The following COL19A1 variants were observed in gnomAD, a reference collection of about 807,000 sequenced individuals.
COL19A1 encodes the protein collagen type XIX alpha 1 chain, also known as collagen alpha-1(XIX) chain.
A neutral mutation model predicts 190.2 loss-of-function variants in COL19A1; 159 were observed. The ratio of observed to expected loss-of-function variants is 0.84; its 90% CI spans 0.73 to 0.95. The LOEUF (loss-of-function observed/expected upper bound fraction) is 0.95. Among genes scored for constraint, COL19A1 ranks in the 40% least tolerant of loss-of-function variants. The pLI, the probability that COL19A1 is intolerant of heterozygous loss-of-function variation, is 0.00. For synonymous variants in COL19A1, 509 were observed against 458.9 expected, an observed-to-expected ratio of 1.11 and a Z score of -1.39; for missense variants, 1,418 against 1,431.9, an observed-to-expected ratio of 0.99 and a Z score of 0.16.
intron 19 of COL19A1, among the ~76,000 whole-genome samples, chr6:70,139,618 T>G (rs1786111199): frequency 6.6e-6 from 1 of 152,088 alleles, no homozygotes; most frequent in Admixed American, 6.6e-5. Flanking sequence ...ATGTAGACTT[T>G]ACTTTGCATA....
intron 16 of COL19A1, among the ~76,000 whole-genome samples, chr6:70,105,065 A>C (rs1783868452): frequency 6.6e-6 from 1 of 152,184 alleles, no homozygotes; most frequent in African/African-American, 2.4e-5. Flanking sequence ...ACTTAAACTC[A>C]GCTATGGGTC....
At chr6:70,032,732 A>G (rs1259753830) in intron 12 of COL19A1, among the ~76,000 whole-genome samples, 1 of 152,164 alleles carries the variant, frequency 6.6e-6, no homozygotes, top group African/African-American at 2.4e-5. Context: ...TTCGAAAGCT[A>G]CATGTGGCTG....
At chr6:70,168,702 T>G in intron 40 of COL19A1, 21 bp downstream of exon 40, 4 of 1,612,558 alleles carry the variant, frequency 2.5e-6, no homozygotes, top group Non-Finnish European at 3.4e-6. Flanking sequence ...TCCCATGTTT[T>G]GTGTCATTTA....
intron 2 of COL19A1, among the ~76,000 whole-genome samples, chr6:69,882,627 T>G (rs1377412824): frequency 6.6e-6 from 1 of 152,158 alleles, no homozygotes; most frequent in East Asian, 1.9e-4. Context: ...GCTAAATAAA[T>G]AGAAATGACA....
intron 47 of COL19A1, among the ~76,000 whole-genome samples, chr6:70,188,621 C>T (rs147429171): frequency 3.5e-4 from 53 of 152,318 alleles, no homozygotes; most frequent in African/African-American, 1.3e-3. Flanking sequence ...TTACACTACA[C>T]AGAAACCACA....
chr6:70,149,129 C>T lies in COL19A1; in HGVS notation c.1894-575C>T, dbSNP rs905537512. ...TGCTAAGAAACCAGCTCTTGACTTACTTAGGTGAACATTCCTCATGCAGAA... is the reference window on the plus strand; with the variant it reads ...TGCTAAGAAACCAGCTCTTGACTTATTTAGGTGAACATTCCTCATGCAGAA... On this transcript the variant is annotated intron_variant, in intron 27 of 50. Transcript: ENST00000620364. Among the ~76,000 whole-genome samples the T allele has an allele frequency of 7.2e-5, 11 of 152,084 alleles. No individual in the cohort carries two copies. The South Asian group carries it at 1.0e-3, about 14-fold the overall frequency.
At chr6:70,103,950 C>A (rs1182256633) in intron 16 of COL19A1, among the ~76,000 whole-genome samples, 1 of 152,066 alleles carries the variant, frequency 6.6e-6, no homozygotes, top group African/African-American at 2.4e-5. Context: ...AAAATTAAAA[C>A]CAGGTAAGTG....
chr6:70,092,720 T>A (rs55927183), intron 15 of COL19A1, among the ~76,000 whole-genome samples: 7,705 of 152,292 alleles, frequency 0.051, 258 homozygotes, highest in Non-Finnish European at 0.075. Flanking sequence ...ACTTATTTTG[T>A]ACTAGTCAAT....
rs1786277591 is a variant in COL19A1, at chr6:70,141,915, C to T, written c.1505C>T (p.Ser502Leu). Residue 502 changes from serine (S) to leucine (L), a missense_variant, in exon 21 of 51, where the codon TCA becomes TTA. Transcript: ENST00000620364. The part of the protein sequence containing the change: ...GDRGEPGVIG[S>L]QGVKGEPGDP... ...CAGGGAGAACCTGGGGTAATAGGAT[C>T]ACAGGGAGTAAAGGTAATTTCCTGG... 1 of 1,601,702 alleles carries T rather than the reference C, an allele frequency of 6.2e-7. No individual in the cohort carries two copies. The highest frequency in any genetic ancestry group is 1.1e-5 in the South Asian group (1 of 90,824).
At chr6:70,022,446 C>T (rs1337795006) in intron 11 of COL19A1, among the ~76,000 whole-genome samples, 2 of 152,118 alleles carry the variant, frequency 1.3e-5, no homozygotes, top group Non-Finnish European at 2.9e-5. Context: ...TTTGTTTTCT[C>T]ACAGTGTTGT....
intron 11 of COL19A1, among the ~76,000 whole-genome samples, chr6:70,008,072 T>A (rs996579778): frequency 3.4e-4 from 51 of 151,884 alleles, no homozygotes; most frequent in African/African-American, 1.2e-3. Context: ...ATGCTTATAT[T>A]AGAAAGGAAT....
intron 12 of COL19A1, among the ~76,000 whole-genome samples, chr6:70,024,858 G>A (rs1030680391): frequency 6.6e-6 from 1 of 152,078 alleles, no homozygotes; most frequent in Non-Finnish European, 1.5e-5. Flanking sequence ...TGTCACACAT[G>A]TTTAAATAGA....
At chr6:70,167,639 T>C (rs1765243472) in intron 37 of COL19A1, among the ~76,000 whole-genome samples, 1 of 152,200 alleles carries the variant, frequency 6.6e-6, no homozygotes, top group Non-Finnish European at 1.5e-5. Context: ...TCATCAGCAC[T>C]ATGGCATTAT....
intron 23 of COL19A1, among the ~76,000 whole-genome samples, chr6:70,143,783 G>T (rs1786419129): frequency 6.6e-6 from 1 of 151,922 alleles, no homozygotes; most frequent in East Asian, 1.9e-4. Flanking sequence ...GAGCCACAAT[G>T]CTCAAAAACT....
intron 12 of COL19A1, among the ~76,000 whole-genome samples, chr6:70,033,258 T>C (rs1779166634): frequency 6.6e-6 from 1 of 152,114 alleles, no homozygotes; most frequent in South Asian, 2.1e-4. Context: ...GGTGTCTATG[T>C]TGAGTACAGG....
chr6:70,116,648 GT>G (rs3842606), intron 16 of COL19A1, among the ~76,000 whole-genome samples: 4 of 150,298 alleles, frequency 2.7e-5, no homozygotes, highest in East Asian at 1.9e-4. Context: ...CCTAATGACT[GT>G]TTTTTTTTCT....
intron 11 of COL19A1, among the ~76,000 whole-genome samples, chr6:69,971,939 A>G (rs1775451457): frequency 6.6e-6 from 1 of 152,198 alleles, no homozygotes; most frequent in African/African-American, 2.4e-5. Context: ...CTATTTTAAA[A>G]ACATTTTAGT....
intron 16 of COL19A1, among the ~76,000 whole-genome samples, chr6:70,113,831 T>A (rs1784411097): frequency 6.8e-6 from 1 of 146,458 alleles, no homozygotes; most frequent in Admixed American, 6.9e-5. Flanking sequence ...CTTCTTGTCA[T>A]CCAAGTCTTT....
intron 23 of COL19A1, 128 bp downstream of exon 23, chr6:70,142,948 C>G: frequency 1.3e-6 from 1 of 786,560 alleles, no homozygotes; most frequent in Non-Finnish European, 2.1e-6. Context: ...ATCTATGCCA[C>G]AAAAACTGAT....
Sources: gnomAD v4.1 joint callset for allele counts (sites outside exome capture counted in the v4.1 genomes callset) on GRCh38, gnomAD v4.1.1 for gene constraint, MANE v1.5 for transcripts, NCBI Gene and HGNC (gene_info 2026-07-23, HGNC 2026-07-21) for gene names.